Variants in UNC5C observed in about 807,000 individuals in gnomAD.
The protein encoded by UNC5C is unc-5 netrin receptor C, also known as netrin receptor UNC5C.
A neutral mutation model predicts 99.8 loss-of-function variants in UNC5C; 47 were observed. The ratio of observed to expected loss-of-function variants is 0.47; its 90% CI spans 0.37 to 0.60. The LOEUF (loss-of-function observed/expected upper bound fraction) is 0.60, where lower values mean the gene tolerates loss of function less well. UNC5C is among the 20% of genes least tolerant of loss of function. The pLI is 0.00. For missense variants in UNC5C, 1,062 were observed against 1,165.9 expected (o/e 0.91, Z 1.30); for synonymous variants, 487 against 452.2 (o/e 1.08, Z -0.98).
At position 95,258,746 on chromosome 4, in the gene UNC5C, C is replaced by CTTTTTTTTTTTTTTTTTTTTTT. The variant is rs775570031; in HGVS notation, c.595-8101_595-8080dup. On this transcript the variant is annotated intron_variant, in intron 4 of 15. Transcript: ENST00000453304. ...ACTATGTGTAATCGACCATCTTATTCTTTTTTTTTTTTTTTTTTTTTTTTT... is the reference window on the plus strand; with the variant it reads ...ACTATGTGTAATCGACCATCTTATTCTTTTTTTTTTTTTTTTTTTTTTTTTTTTTTTTTTTTTTTTTTTTTTT... Among the ~76,000 whole-genome samples, 18 of 76,044 alleles carry CTTTTTTTTTTTTTTTTTTTTTT rather than the reference C, an allele frequency of 2.4e-4. 1 individual carries two copies. The highest frequency in any genetic ancestry group is 1.1e-3 in the East Asian group (2 of 1,890). The allele number at this position is 76,044 out of a possible 152,430, so 49.9% of individuals were successfully genotyped here.
At chr4:95,394,787 G>A (rs753700926) in intron 1 of UNC5C, among the ~76,000 whole-genome samples, 16 of 151,062 alleles carry the variant, frequency 1.1e-4, no homozygotes, top group Non-Finnish European at 1.9e-4. Context: ...CAATTCAGCA[G>A]CATAAGCGGC....
At chr4:95,416,007 C>T (rs757326555) in intron 1 of UNC5C, among the ~76,000 whole-genome samples, 7 of 151,232 alleles carry the variant, frequency 4.6e-5, no homozygotes, top group Admixed American at 1.3e-4. Context: ...TCATATAAAA[C>T]GTGATGGAAA....
At chr4:95,178,478 G>A (rs1054734311) in intron 14 of UNC5C, among the ~76,000 whole-genome samples, 3 of 151,870 alleles carry the variant, frequency 2.0e-5, no homozygotes, top group African/African-American at 7.2e-5. Context: ...TTTGGTGAGA[G>A]TATATCAATC....
chr4:95,366,582 G>T (rs1348951840), intron 1 of UNC5C, among the ~76,000 whole-genome samples: 1 of 152,164 alleles, frequency 6.6e-6, no homozygotes, highest in Non-Finnish European at 1.5e-5. Flanking sequence ...TAGTCATGAA[G>T]TTGATTGTAA....
At chr4:95,321,762 T>C (rs1742701058) in intron 2 of UNC5C, among the ~76,000 whole-genome samples, 1 of 152,220 alleles carries the variant, frequency 6.6e-6, no homozygotes, top group South Asian at 2.1e-4. Context: ...GAGAAAACAT[T>C]ACACCTTTCA....
intron 9 of UNC5C, among the ~76,000 whole-genome samples, chr4:95,217,820 TATAAAG>T (rs1738304641): frequency 6.6e-6 from 1 of 152,208 alleles, no homozygotes; most frequent in African/African-American, 2.4e-5. Context: ...AATGGACTGT[TATAAAG>T]ATATTTAAAA....
chr4:95,184,913 A>G (rs1736769311), intron 13 of UNC5C, 134 bp downstream of exon 13: 1 of 1,029,678 alleles, frequency 9.7e-7, no homozygotes, highest in Admixed American at 3.1e-5. Context: ...ATCCTAAATA[A>G]CCCCAAACTA....
intron 12 of UNC5C, among the ~76,000 whole-genome samples, chr4:95,190,904 A>C (rs943881199): frequency 5.3e-5 from 8 of 152,226 alleles, no homozygotes; most frequent in African/African-American, 1.9e-4. Flanking sequence ...CTCCAAAGGC[A>C]GGACAAGAGA....
chr4:95,172,718 T>C (rs1343628682), intron 14 of UNC5C, among the ~76,000 whole-genome samples: 1 of 151,824 alleles, frequency 6.6e-6, no homozygotes, highest in Non-Finnish European at 1.5e-5. Context: ...GACTTGGCAA[T>C]GCGGGCTCTT....
chr4:95,520,394 A>T (rs2149490026), intron 1 of UNC5C, among the ~76,000 whole-genome samples: 1 of 152,254 alleles, frequency 6.6e-6, no homozygotes, highest in East Asian at 1.9e-4. Context: ...AGGTTATATT[A>T]GTTGGTGTGA....
At chr4:95,470,228 G>A (rs1747924751) in intron 1 of UNC5C, among the ~76,000 whole-genome samples, 1 of 151,854 alleles carries the variant, frequency 6.6e-6, no homozygotes, top group South Asian at 2.1e-4. Flanking sequence ...TAGGCTACTC[G>A]AGTTCACCTG....
At chr4:95,428,166 A>C (rs1276729459) in intron 1 of UNC5C, among the ~76,000 whole-genome samples, 1 of 151,882 alleles carries the variant, frequency 6.6e-6, no homozygotes, top group Non-Finnish European at 1.5e-5. Flanking sequence ...ACTGGACATA[A>C]TTTTTAAAAT....
intron 10 of UNC5C, among the ~76,000 whole-genome samples, chr4:95,207,822 G>A (rs937469194): frequency 2.0e-5 from 3 of 152,146 alleles, no homozygotes; most frequent in Non-Finnish European, 4.4e-5. Context: ...CTGCTAAAAG[G>A]TCACCTCGTT....
At chr4:95,535,628 C>T (rs2149494137) in intron 1 of UNC5C, among the ~76,000 whole-genome samples, 1 of 152,170 alleles carries the variant, frequency 6.6e-6, no homozygotes, top group East Asian at 1.9e-4. Flanking sequence ...ATGCAATTTG[C>T]AAAGGACATA....
At chr4:95,261,708 C>CTT (rs11426859) in intron 4 of UNC5C, among the ~76,000 whole-genome samples, 30,691 of 145,718 alleles carry the variant, frequency 0.21, 3,249 homozygotes, top group East Asian at 0.32. Flanking sequence ...ATATGAATTC[C>CTT]TTTTTTTTTT....
chr4:95,502,002 A>G (rs77588557), intron 1 of UNC5C, among the ~76,000 whole-genome samples: 6,633 of 152,278 alleles, frequency 0.044, 230 homozygotes, highest in Admixed American at 0.12. Context: ...TTGACAAATC[A>G]GCCTCTGAAG....
chr4:95,184,906 C>T (rs1425649214), intron 13 of UNC5C, 141 bp downstream of exon 13: 12 of 990,280 alleles, frequency 1.2e-5, no homozygotes, highest in Middle Eastern at 5.8e-4. Flanking sequence ...CTCAAAAATC[C>T]TAAATAACCC....
intron 2 of UNC5C, among the ~76,000 whole-genome samples, chr4:95,315,464 G>T (rs1742439790): frequency 6.6e-6 from 1 of 152,132 alleles, no homozygotes; most frequent in African/African-American, 2.4e-5. Context: ...CCCACTATGA[G>T]CTCCAATTCC....
intron 2 of UNC5C, among the ~76,000 whole-genome samples, chr4:95,327,334 G>A (rs926828292): frequency 6.6e-6 from 1 of 151,956 alleles, no homozygotes; most frequent in Non-Finnish European, 1.5e-5. Flanking sequence ...ATGATAGCAG[G>A]CAAAGAGAGG....
Sources: gnomAD v4.1 joint callset for allele counts (sites outside exome capture counted in the v4.1 genomes callset) on GRCh38, gnomAD v4.1.1 for gene constraint, MANE v1.5 for transcripts, NCBI Gene and HGNC (gene_info 2026-07-23, HGNC 2026-07-21) for gene names.